Variants in ARHGAP10 observed in about 807,000 individuals in gnomAD.
The protein encoded by ARHGAP10 is Rho GTPase activating protein 10, also known as rho GTPase-activating protein 10.
Under a neutral mutation model 108.6 loss-of-function variants are expected in ARHGAP10, and 87 were observed. The observed-to-expected ratio is 0.80, with a 90% CI of 0.67 to 0.96. The LOEUF (loss-of-function observed/expected upper bound fraction) is 0.96, where lower values mean the gene tolerates loss of function less well. Ranked by LOEUF, ARHGAP10 falls within the 40% of genes least tolerant of loss-of-function variation. The probability of loss-of-function intolerance (pLI) is 0.00; values close to 1 mark genes in which losing one functional copy is unlikely to be tolerated. For synonymous variants in ARHGAP10, 347 were observed against 341.1 expected, an observed-to-expected ratio of 1.02 and a Z score of -0.19; for missense variants, 939 against 954.5, an observed-to-expected ratio of 0.98 and a Z score of 0.21.
chr4:147,759,786 T>C (rs1560742830), intron 1 of ARHGAP10, among the ~76,000 whole-genome samples: 1 of 152,206 alleles, frequency 6.6e-6, no homozygotes, highest in Non-Finnish European at 1.5e-5. Context: ...TCTCACCCTG[T>C]CGCCCAGGCT....
chr4:147,767,811 G>GA (rs1462628601), intron 1 of ARHGAP10, among the ~76,000 whole-genome samples: 2 of 152,138 alleles, frequency 1.3e-5, no homozygotes, highest in Non-Finnish European at 2.9e-5. Context: ...AGGCAAAATT[G>GA]AAAATAATTG....
intron 1 of ARHGAP10, among the ~76,000 whole-genome samples, chr4:147,805,871 G>T (rs1187666237): frequency 6.6e-6 from 1 of 152,082 alleles, no homozygotes. Context: ...ATACAGTGTG[G>T]ATAACACGCC....
At chr4:147,959,805 G>A (rs754112584) in intron 16 of ARHGAP10, among the ~76,000 whole-genome samples, 5 of 152,128 alleles carry the variant, frequency 3.3e-5, no homozygotes, top group Admixed American at 1.3e-4. Context: ...TTTAAGAAAT[G>A]AAGAATGTAA....
intron 1 of ARHGAP10, among the ~76,000 whole-genome samples, chr4:147,736,809 G>T (rs1339932957): frequency 2.0e-5 from 3 of 152,232 alleles, no homozygotes; most frequent in Non-Finnish European, 4.4e-5. Flanking sequence ...TTCTGGGTTG[G>T]TAATTATTAG....
intron 16 of ARHGAP10, among the ~76,000 whole-genome samples, chr4:147,960,042 C>T (rs1738935321): frequency 6.6e-6 from 1 of 152,174 alleles, no homozygotes; most frequent in Admixed American, 6.5e-5. Context: ...TACTATTTTG[C>T]AGAGTCTCTG....
chr4:147,857,639 C>T lies in ARHGAP10; in HGVS notation c.471C>T (p.Asp157=), dbSNP rs770485582. The change falls in exon 5 of 23, where the codon GAC becomes GAT. Residue 157 remains aspartate (D), a synonymous_variant. Coordinates refer to ENST00000336498, the MANE Select transcript of ARHGAP10 (RefSeq NM_024605.4). ...TGAATTTATCAGCAAAAAAGAAAGACTCACATTTACAAGAGGTATAATTTT... is the reference window on the plus strand; with the variant it reads ...TGAATTTATCAGCAAAAAAGAAAGATTCACATTTACAAGAGGTATAATTTT... ...KHLNLSAKKK[D]SHLQEADIQV... 5.4e-6 allele frequency: 8 copies of T among 1,486,840 alleles called. No individual in the cohort carries two copies. The highest frequency in any genetic ancestry group is 5.2e-5 in the Admixed American group (2 of 38,288). 92.1% of individuals were successfully genotyped at this position (1,486,840 alleles called of 1,614,324 possible).
At chr4:148,027,213 T>G (rs1338309643) in intron 19 of ARHGAP10, among the ~76,000 whole-genome samples, 1 of 152,258 alleles carries the variant, frequency 6.6e-6, no homozygotes, top group Non-Finnish European at 1.5e-5. Flanking sequence ...AGGTTTTATA[T>G]GTATCTTCTG....
chr4:147,942,008 T>C (rs1187877336), intron 14 of ARHGAP10, among the ~76,000 whole-genome samples: 1 of 152,164 alleles, frequency 6.6e-6, no homozygotes, highest in Admixed American at 6.5e-5. Flanking sequence ...TTTTGAATAG[T>C]CATGTCTACA....
chr4:148,068,432 C>T (rs879670366), intron 22 of ARHGAP10, among the ~76,000 whole-genome samples: 2 of 152,150 alleles, frequency 1.3e-5, no homozygotes, highest in Non-Finnish European at 2.9e-5. Flanking sequence ...AAGCTGATCA[C>T]ATATAGACCC....
intron 20 of ARHGAP10, among the ~76,000 whole-genome samples, chr4:148,061,482 G>A (rs1051600360): frequency 1.3e-5 from 2 of 152,110 alleles, no homozygotes; most frequent in Admixed American, 6.6e-5. Context: ...AAAATGGAGT[G>A]ACTTTTGTGA....
chr4:147,865,016 T>A, intron 6 of ARHGAP10, 60 bp downstream of exon 6: 2 of 1,419,892 alleles, frequency 1.4e-6, no homozygotes, highest in South Asian at 2.4e-5. Context: ...GTATTTATTT[T>A]CCTAGATCTG....
intron 19 of ARHGAP10, among the ~76,000 whole-genome samples, chr4:148,026,287 A>G (rs1741763016): frequency 6.6e-6 from 1 of 152,240 alleles, no homozygotes; most frequent in African/African-American, 2.4e-5. Context: ...AGCATCAGCG[A>G]AGAGTCAGCA....
rs951343920 is a variant in ARHGAP10 at position 147,857,489 on chromosome 4, C to T, written c.385-64C>T. ...AGATATTTTTCATAATTTGAGCTTCCCAGTGGATTAACCATGTGTATCCTT... is the reference window on the plus strand; with the variant it reads ...AGATATTTTTCATAATTTGAGCTTCTCAGTGGATTAACCATGTGTATCCTT... On this transcript the variant is annotated intron_variant, in intron 4 of 22. Transcript: ENST00000336498. 2.6e-5 allele frequency: 35 copies of T among 1,327,540 alleles called. 1 individual carries two copies. In the South Asian group the frequency reaches 5.2e-4, roughly 20 times the overall value. The allele number at this position is 1,327,540 out of a possible 1,614,324, so 82.2% of individuals were successfully genotyped here. A position where few individuals can be genotyped will look rare whatever the true frequency, so the allele number is the denominator to read the frequency against.
intron 20 of ARHGAP10, among the ~76,000 whole-genome samples, chr4:148,060,660 G>A (rs902376216): frequency 3.3e-5 from 5 of 152,084 alleles, no homozygotes; most frequent in African/African-American, 1.2e-4. Context: ...AGCCTTGCAC[G>A]TTGCCCCGTC....
At chr4:147,934,327 C>T (rs920438877) in intron 13 of ARHGAP10, among the ~76,000 whole-genome samples, 2 of 152,198 alleles carry the variant, frequency 1.3e-5, no homozygotes, top group African/African-American at 4.8e-5. Flanking sequence ...CAAAGTGACC[C>T]TCCCAGGTCT....
chr4:147,843,474 C>T (rs1447602061), intron 3 of ARHGAP10, among the ~76,000 whole-genome samples: 1 of 152,158 alleles, frequency 6.6e-6, no homozygotes, highest in Non-Finnish European at 1.5e-5. Context: ...AGCTCTCATT[C>T]TTTCTTTAAA....
chr4:147,795,701 T>A (rs1045826365), intron 1 of ARHGAP10, among the ~76,000 whole-genome samples: 2 of 140,208 alleles, frequency 1.4e-5, no homozygotes, highest in Non-Finnish European at 3.0e-5. Context: ...TTTAATTTAA[T>A]TTTTTTTTTT....
intron 7 of ARHGAP10, among the ~76,000 whole-genome samples, chr4:147,870,274 G>A (rs1018255808): frequency 6.6e-6 from 1 of 152,110 alleles, no homozygotes; most frequent in Non-Finnish European, 1.5e-5. Flanking sequence ...TGTTAGTCAG[G>A]ATGGTCTTGA....
At chr4:147,812,252 C>G (rs11935510) in intron 1 of ARHGAP10, among the ~76,000 whole-genome samples, 18,865 of 152,042 alleles carry the variant, frequency 0.12, 1,593 homozygotes, top group African/African-American at 0.24. Flanking sequence ...AAGAAAACAT[C>G]TCTTTGAAAA....
Sources: allele counts gnomAD v4.1 joint callset (sites outside exome capture counted in the v4.1 genomes callset), GRCh38; gene constraint gnomAD v4.1.1; transcripts MANE v1.5; gene names NCBI Gene and HGNC (gene_info 2026-07-23, HGNC 2026-07-21).